Variants in AGBL4 observed in about 807,000 individuals in gnomAD.
AGBL4 encodes cytosolic carboxypeptidase 6.
A neutral mutation model predicts 66.4 loss-of-function variants in AGBL4; 58 were observed. That is an observed-to-expected ratio of 0.87 (90% CI 0.71 to 1.09). AGBL4 has a LOEUF of 1.09. Among genes scored for constraint, AGBL4 ranks in the 50% least tolerant of loss-of-function variants. The probability of loss-of-function intolerance (pLI) is 0.00; values close to 1 mark genes in which losing one functional copy is unlikely to be tolerated. For synonymous variants in AGBL4, 234 were observed against 222.9 expected, an observed-to-expected ratio of 1.05 and a Z score of -0.44; for missense variants, 579 against 631.0, an observed-to-expected ratio of 0.92 and a Z score of 0.88.
At chr1:49,586,960 G>A (rs888552080) in intron 3 of AGBL4, among the ~76,000 whole-genome samples, 1 of 151,924 alleles carries the variant, frequency 6.6e-6, no homozygotes, top group African/African-American at 2.4e-5. Flanking sequence ...ATTCTTCATT[G>A]GTTTGTTCCA....
intron 5 of AGBL4, among the ~76,000 whole-genome samples, chr1:48,887,884 G>T (rs115348545): frequency 1.3e-3 from 205 of 152,236 alleles, no homozygotes; most frequent in Non-Finnish European, 2.1e-3. Flanking sequence ...CTAGAATCTG[G>T]CAAAGGGCCT....
In AGBL4 at chr1:49,281,279, C is replaced by A. The variant is rs147843274; in HGVS notation, c.283-35415G>T. Among the ~76,000 whole-genome samples, 111 of 152,324 alleles carry A rather than the reference C, an allele frequency of 7.3e-4. 2 individuals carry two copies. The East Asian group carries it at 0.017, about 24-fold the overall frequency. ...AGAGTACGAAAAAATTAATTACTCA[C>A]ATGATGAGACTTTCTGGCAAGAGTA... On this transcript the variant is annotated intron_variant, in intron 3 of 13. Transcript: ENST00000371839.
chr1:48,798,172 T>C (rs918684712), intron 6 of AGBL4, among the ~76,000 whole-genome samples: 7 of 152,234 alleles, frequency 4.6e-5, no homozygotes, highest in Admixed American at 1.3e-4. Flanking sequence ...ATGGCCATTC[T>C]TGCAGGAGTA....
chr1:48,776,653 T>TCG, intron 6 of AGBL4: 1 of 1,488,166 alleles, frequency 6.7e-7, no homozygotes, highest in Non-Finnish European at 8.9e-7. Flanking sequence ...CGCGCCCCAG[T>TCG]CGCGGGGGGC....
intron 6 of AGBL4, among the ~76,000 whole-genome samples, chr1:48,761,708 A>G (rs924248678): frequency 1.3e-5 from 2 of 152,230 alleles, no homozygotes; most frequent in African/African-American, 2.4e-5. Flanking sequence ...AATAGCAGCC[A>G]GTGAATTTGC....
chr1:48,901,621 A>G (rs1239888882), intron 5 of AGBL4, among the ~76,000 whole-genome samples: 1 of 152,228 alleles, frequency 6.6e-6, no homozygotes, highest in Non-Finnish European at 1.5e-5. Context: ...GACAAAAAGC[A>G]TACATATTGT....
intron 6 of AGBL4, among the ~76,000 whole-genome samples, chr1:48,828,776 CT>C (rs931596897): frequency 6.6e-6 from 1 of 152,162 alleles, no homozygotes; most frequent in Non-Finnish European, 1.5e-5. Context: ...ACTCAACTCC[CT>C]TTTTTTCCTC....
intron 2 of AGBL4, among the ~76,000 whole-genome samples, chr1:49,829,550 T>C (rs1465665808): frequency 2.0e-5 from 3 of 152,176 alleles, no homozygotes; most frequent in Non-Finnish European, 4.4e-5. Context: ...AAAATAAAGA[T>C]GTAATGGTAT....
At chr1:48,753,235 G>A (rs116010275) in intron 6 of AGBL4, among the ~76,000 whole-genome samples, 30 of 152,318 alleles carry the variant, frequency 2.0e-4, no homozygotes, top group African/African-American at 6.7e-4. Flanking sequence ...TCACTGAGCT[G>A]GTTCTCCTGT....
chr1:48,663,345 A>T, intron 6 of AGBL4, 104 bp from the exon 7 acceptor site: 1 of 1,032,844 alleles, frequency 9.7e-7, no homozygotes, highest in Non-Finnish European at 1.5e-6. Context: ...TGGATGTTTT[A>T]CATTTACCTC....
chr1:49,890,064 A>T (rs1648481169), intron 1 of AGBL4, among the ~76,000 whole-genome samples: 1 of 152,236 alleles, frequency 6.6e-6, no homozygotes, highest in South Asian at 2.1e-4. Context: ...CAACAAAAAT[A>T]GCTACTACTT....
chr1:48,617,544 G>A (rs1283285318), intron 9 of AGBL4, among the ~76,000 whole-genome samples: 1 of 152,122 alleles, frequency 6.6e-6, no homozygotes, highest in East Asian at 1.9e-4. Context: ...TCTAAACTAT[G>A]CAGACCCGCC....
Position 49,692,266 on chromosome 1 carries a change from A to G in AGBL4, c.282+5047T>C, listed in dbSNP as rs76892737. ...GATTATTTAAACTGATCACAGGTAAAACGGCTCATAAGTAAGAGTCAGAAA... is the reference window on the plus strand; with the variant it reads ...GATTATTTAAACTGATCACAGGTAAGACGGCTCATAAGTAAGAGTCAGAAA... On this transcript the variant is annotated intron_variant, in intron 3 of 13. Coordinates refer to ENST00000371839, the MANE Select transcript of AGBL4 (RefSeq NM_032785.4). Among the ~76,000 whole-genome samples, 668 of 152,304 alleles carry G rather than the reference A, an allele frequency of 4.4e-3. 9 individuals are homozygous for G. The highest frequency in any genetic ancestry group is 0.015 in the African/African-American group (627 of 41,572).
rs765165380 is a variant in AGBL4, at chr1:48,653,368, T to A, written c.808A>T (p.Asn270Tyr). 8.2e-6 allele frequency: 13 copies of A among 1,584,934 alleles called. No individual in the cohort carries two copies. Among genetic ancestry groups the A allele is most frequent in the Non-Finnish European group, 1.1e-5 (13 of 1,164,718 alleles). The change falls in exon 8 of 14, where the codon AAT (asparagine) becomes TAT (tyrosine). Residue 270 changes from asparagine (N) to tyrosine (Y), a missense_variant. Physicochemically the swap from Asn to Tyr is moderately radical, Grantham distance 143 (BLOSUM62 -2). Coordinates refer to ENST00000371839, the MANE Select transcript of AGBL4 (RefSeq NM_032785.4). ...TTGCCCAGGTAGACTCCATCAGGAT[T>A]GAGCATTGGTGCGATCTTGAAGACC... ...YLVFKIAPML[N>Y]PDGVYLGNYR...
At chr1:49,790,888 G>A (rs1166585665) in intron 2 of AGBL4, among the ~76,000 whole-genome samples, 1 of 152,186 alleles carries the variant, frequency 6.6e-6, no homozygotes, top group East Asian at 1.9e-4. Context: ...TGTTTTTAAT[G>A]TGTAATTGTC....
At chr1:49,276,818 G>A (rs1644177098) in intron 3 of AGBL4, among the ~76,000 whole-genome samples, 1 of 152,118 alleles carries the variant, frequency 6.6e-6, no homozygotes, top group Non-Finnish European at 1.5e-5. Flanking sequence ...ATAAGGTTCT[G>A]CACCCCACTG....
chr1:48,998,803 A>G (rs1661193863), intron 5 of AGBL4, among the ~76,000 whole-genome samples: 1 of 152,200 alleles, frequency 6.6e-6, no homozygotes, highest in Non-Finnish European at 1.5e-5. Flanking sequence ...TTTAAGTCAC[A>G]GTACTGTTGG....
At chr1:49,826,863 A>G (rs1457628514) in intron 2 of AGBL4, among the ~76,000 whole-genome samples, 1 of 152,220 alleles carries the variant, frequency 6.6e-6, no homozygotes, top group East Asian at 1.9e-4. Flanking sequence ...CACAAAAGAA[A>G]TATTAGTAAA....
intron 3 of AGBL4, among the ~76,000 whole-genome samples, chr1:49,686,302 G>T (rs997847617): frequency 6.6e-6 from 1 of 152,132 alleles, no homozygotes; most frequent in Admixed American, 6.6e-5. Context: ...GAATGTTGTT[G>T]CCAGTGGATG....
Sources: allele counts gnomAD v4.1 joint callset (sites outside exome capture counted in the v4.1 genomes callset), GRCh38; gene constraint gnomAD v4.1.1; transcripts MANE v1.5; gene names NCBI Gene and HGNC (gene_info 2026-07-23, HGNC 2026-07-21).